Variants in MED27 observed in about 807,000 individuals in gnomAD.
MED27 encodes the protein mediator of RNA polymerase II transcription subunit 27.
MED27 carries 30 observed loss-of-function variants against 38.2 expected under a neutral mutation model. That is an observed-to-expected ratio of 0.79 (90% CI 0.59 to 1.07). MED27 has a LOEUF of 1.07. MED27 is among the 50% of genes least tolerant of loss of function. MED27 has a pLI of 0.00. For synonymous variants in MED27, 122 were observed against 153.5 expected, an observed-to-expected ratio of 0.79 and a Z score of 1.52; for missense variants, 289 against 397.5, an observed-to-expected ratio of 0.73 and a Z score of 2.32.
chr9:131,892,977 G>C (rs1839253720), intron 5 of MED27, among the ~76,000 whole-genome samples: 1 of 152,218 alleles, frequency 6.6e-6, no homozygotes, highest in African/African-American at 2.4e-5. Context: ...TGGGTTACTT[G>C]TTCAAAACAC....
At chr9:132,033,689 C>T (rs189325427) in intron 2 of MED27, among the ~76,000 whole-genome samples, 5 of 152,302 alleles carry the variant, frequency 3.3e-5, no homozygotes, top group Non-Finnish European at 7.4e-5. Context: ...TCCTAAACTC[C>T]GGTGTGGATT....
rs140924303 is a variant in MED27, at chr9:132,002,145, C to T, written c.479+12192G>A. Among the ~76,000 whole-genome samples, 106 of 152,296 alleles carry T rather than the reference C, an allele frequency of 7.0e-4. 1 individual carries two copies. The highest frequency in any genetic ancestry group is 2.4e-3 in the African/African-American group (99 of 41,558). On this transcript the variant is annotated intron_variant, in intron 3 of 7. Coordinates refer to ENST00000292035, the MANE Select transcript of MED27 (RefSeq NM_004269.4). ...ACCACTCCTCCTAAGGGCCAGCAGG[C>T]CCTGAGCTCAGAGCGTAACTGAGGT...
intron 3 of MED27, among the ~76,000 whole-genome samples, chr9:131,972,140 G>A (rs1831492998): frequency 1.3e-5 from 2 of 152,202 alleles, no homozygotes; most frequent in Non-Finnish European, 2.9e-5. Flanking sequence ...TCAAATATGA[G>A]AGGTTTGAAG....
At chr9:131,956,542 G>T (rs1353832945) in intron 3 of MED27, among the ~76,000 whole-genome samples, 4 of 150,648 alleles carry the variant, frequency 2.7e-5, no homozygotes, top group African/African-American at 9.8e-5. Flanking sequence ...CTTGAACCCA[G>T]AAGGCAGCAG....
chr9:132,072,507 T>C (rs1249006936), intron 2 of MED27, among the ~76,000 whole-genome samples: 1 of 152,120 alleles, frequency 6.6e-6, no homozygotes, highest in Non-Finnish European at 1.5e-5. Context: ...CTGTATTTCA[T>C]TGTTTTCTCT....
intron 6 of MED27, chr9:131,868,761 G>A: frequency 1.0e-6 from 1 of 985,482 alleles, no homozygotes; most frequent in South Asian, 4.7e-5. Context: ...CAGGCCCAGG[G>A]CTGTGGCCAG....
chr9:131,951,589 A>G (rs1830997940), intron 3 of MED27, among the ~76,000 whole-genome samples: 2 of 152,188 alleles, frequency 1.3e-5, no homozygotes, highest in African/African-American at 2.4e-5. Flanking sequence ...TAACCTCTCT[A>G]AGCTTTGGCA....
intron 1 of MED27, 56 bp downstream of exon 1, chr9:132,079,586 G>A: frequency 1.3e-6 from 2 of 1,550,650 alleles, no homozygotes; most frequent in Non-Finnish European, 1.8e-6. Flanking sequence ...AGCGACGTAG[G>A]GGCAGGGTCG....
chr9:131,887,044 C>A (rs1839152873), intron 5 of MED27, among the ~76,000 whole-genome samples: 1 of 152,152 alleles, frequency 6.6e-6, no homozygotes, highest in South Asian at 2.1e-4. Flanking sequence ...ACTGTTTACC[C>A]TTCCTGCCTG....
chr9:131,922,208 TA>T (rs1017665808), intron 4 of MED27, among the ~76,000 whole-genome samples: 2 of 151,428 alleles, frequency 1.3e-5, no homozygotes, highest in Non-Finnish European at 2.9e-5. Flanking sequence ...AAAATAAAAA[TA>T]AAAAAAGAAA....
intron 3 of MED27, among the ~76,000 whole-genome samples, chr9:132,000,751 A>AT (rs1832211139): frequency 6.6e-6 from 1 of 151,478 alleles, no homozygotes; most frequent in African/African-American, 2.4e-5. Context: ...TTTAAAAAAA[A>AT]ATTTTTTTTT....
intron 3 of MED27, among the ~76,000 whole-genome samples, chr9:131,958,095 T>G (rs1243266166): frequency 6.6e-6 from 1 of 152,140 alleles, no homozygotes; most frequent in African/African-American, 2.4e-5. Context: ...CTCATTGAAC[T>G]GTACATTCAT....
At chr9:132,064,310 G>A (rs528349505) in intron 2 of MED27, among the ~76,000 whole-genome samples, 1 of 152,180 alleles carries the variant, frequency 6.6e-6, no homozygotes, top group East Asian at 1.9e-4. Context: ...CTCATGCACG[G>A]GCAAAATCGG....
At chr9:131,907,884 G>A (rs1830100874) in intron 4 of MED27, among the ~76,000 whole-genome samples, 1 of 151,304 alleles carries the variant, frequency 6.6e-6, no homozygotes, top group South Asian at 2.1e-4. Context: ...CGTCTGGGAT[G>A]TGAGGAGCGC....
chr9:131,981,981 G>T (rs185266329), intron 3 of MED27, among the ~76,000 whole-genome samples: 1 of 152,102 alleles, frequency 6.6e-6, no homozygotes, highest in African/African-American at 2.4e-5. Context: ...CGTCCAGCCC[G>T]CCATGTATAT....
At chr9:131,955,267 TA>T (rs1213661409) in intron 3 of MED27, among the ~76,000 whole-genome samples, 1 of 151,986 alleles carries the variant, frequency 6.6e-6, no homozygotes, top group African/African-American at 2.4e-5. Flanking sequence ...GGGATGCAGC[TA>T]AAACCATGCT....
At chr9:132,005,634 T>C (rs1832341582) in intron 3 of MED27, among the ~76,000 whole-genome samples, 1 of 152,192 alleles carries the variant, frequency 6.6e-6, no homozygotes, top group Non-Finnish European at 1.5e-5. Context: ...TCCCTCTCTT[T>C]TGGCAACTGA....
chr9:131,924,211 G>A lies in MED27; in HGVS notation c.573+15170C>T, dbSNP rs12551587. The stretch of plus-strand genomic sequence containing the variant: ...TCTCATTAGCAAGGTATGAGAGGGC[G>A]TTTCCCCACAGCCTTTACCAACAGA... On this transcript the variant is annotated intron_variant, in intron 4 of 7. Coordinates refer to ENST00000292035, the MANE Select transcript of MED27 (RefSeq NM_004269.4). Among the ~76,000 whole-genome samples the A allele has an allele frequency of 9.0e-3, 1,372 of 152,224 alleles. 2 individuals carry two copies. Among genetic ancestry groups the A allele is most frequent in the Non-Finnish European group, 0.012 (810 of 68,016 alleles).
At chr9:132,017,930 A>G (rs1411050944) in intron 2 of MED27, among the ~76,000 whole-genome samples, 1 of 152,214 alleles carries the variant, frequency 6.6e-6, no homozygotes, top group Non-Finnish European at 1.5e-5. Context: ...TTTTTAAAAT[A>G]ATGCTGTTTT....
Sources: gnomAD v4.1 joint callset for allele counts (sites outside exome capture counted in the v4.1 genomes callset) on GRCh38, gnomAD v4.1.1 for gene constraint, MANE v1.5 for transcripts, NCBI Gene and HGNC (gene_info 2026-07-23, HGNC 2026-07-21) for gene names.